The following ZDHHC17 variants were observed in gnomAD, a reference collection of about 807,000 sequenced individuals.
ZDHHC17 encodes the protein zDHHC palmitoyltransferase 17.
In ZDHHC17, 40 loss-of-function variants were observed where a neutral mutation model predicts 90.3. The ratio of observed to expected loss-of-function variants is 0.44; its 90% CI spans 0.34 to 0.58. The LOEUF (loss-of-function observed/expected upper bound fraction) is 0.58. Among genes scored for constraint, ZDHHC17 ranks in the 20% least tolerant of loss-of-function variants. ZDHHC17 has a pLI of 0.01. For missense variants in ZDHHC17, 614 were observed against 780.8 expected, an observed-to-expected ratio of 0.79 and a Z score of 2.55; for synonymous variants, 235 against 252.4, an observed-to-expected ratio of 0.93 and a Z score of 0.65.
At chr12:76,792,819 C>T (rs1952774899) in intron 1 of ZDHHC17, among the ~76,000 whole-genome samples, 1 of 152,096 alleles carries the variant, frequency 6.6e-6, no homozygotes, top group African/African-American at 2.4e-5. Flanking sequence ...AGCAGCTAAA[C>T]CTTTAATTGA....
intron 5 of ZDHHC17, among the ~76,000 whole-genome samples, chr12:76,814,672 T>C (rs2137768583): frequency 6.6e-6 from 1 of 152,054 alleles, no homozygotes; most frequent in East Asian, 1.9e-4. Context: ...TGTTGCTTTT[T>C]CCACACAAAC....
intron 1 of ZDHHC17, among the ~76,000 whole-genome samples, chr12:76,784,919 G>A (rs755960325): frequency 1.3e-5 from 2 of 152,168 alleles, no homozygotes; most frequent in African/African-American, 4.8e-5. Context: ...CATTTTGCTC[G>A]TTGACTTTCT....
At chr12:76,830,123 G>A (rs999396356) in intron 10 of ZDHHC17, among the ~76,000 whole-genome samples, 6 of 152,132 alleles carry the variant, frequency 3.9e-5, no homozygotes, top group African/African-American at 1.4e-4. Context: ...CTGATTTATT[G>A]TAATAAAGGA....
At chr12:76,796,159 C>G (rs1199791080) in intron 1 of ZDHHC17, among the ~76,000 whole-genome samples, 1 of 152,112 alleles carries the variant, frequency 6.6e-6, no homozygotes, top group Non-Finnish European at 1.5e-5. Context: ...AAAATACTCT[C>G]AACTTGGTAT....
At chr12:76,828,158 A>G (rs1274191808) in intron 9 of ZDHHC17, among the ~76,000 whole-genome samples, 1 of 152,136 alleles carries the variant, frequency 6.6e-6, no homozygotes, top group Non-Finnish European at 1.5e-5. Context: ...TGAAAAGTAT[A>G]TGGAATGTAA....
chr12:76,764,743 A>G, intron 1 of ZDHHC17: 1 of 465,518 alleles, frequency 2.1e-6, no homozygotes, highest in Non-Finnish European at 4.3e-6. Flanking sequence ...AGGGTGAATG[A>G]CGGTATCTAT....
intron 10 of ZDHHC17, chr12:76,840,118 C>T (rs936432824): frequency 1.3e-5 from 2 of 152,012 alleles, no homozygotes; most frequent in African/African-American, 4.8e-5. Flanking sequence ...TTAAATGGCA[C>T]ATAGTTGGTG....
At chr12:76,783,330 C>A (rs888178122) in intron 1 of ZDHHC17, among the ~76,000 whole-genome samples, 2 of 152,160 alleles carry the variant, frequency 1.3e-5, no homozygotes, top group Non-Finnish European at 2.9e-5. Context: ...CTGGGGAGGC[C>A]TCAGGAAACT....
chr12:76,822,922 G>A (rs1953183694), intron 8 of ZDHHC17, among the ~76,000 whole-genome samples: 1 of 152,004 alleles, frequency 6.6e-6, no homozygotes, highest in South Asian at 2.1e-4. Context: ...TACTTAGCAC[G>A]AGTATTTACA....
intron 10 of ZDHHC17, chr12:76,840,339 ATT>A (rs551753967): frequency 5.2e-5 from 7 of 134,480 alleles, no homozygotes; most frequent in Non-Finnish European, 8.1e-5. Context: ...ATTTCCATTA[ATT>A]TTTTTTTTTT....
chr12:76,778,274 T>G (rs982280540), intron 1 of ZDHHC17, among the ~76,000 whole-genome samples: 2 of 152,094 alleles, frequency 1.3e-5, no homozygotes, highest in African/African-American at 4.8e-5. Flanking sequence ...AGGGCACGAT[T>G]TCAGCTCACT....
chr12:76,838,368 G>A lies in ZDHHC17; in HGVS notation c.1142-3614G>A, dbSNP rs192240493. 1.4e-3 allele frequency among the ~76,000 whole-genome samples: 219 copies of A among 152,124 alleles called. 1 individual carries two copies. Among genetic ancestry groups the A allele is most frequent in the African/African-American group, 4.9e-3 (204 of 41,506 alleles). On this transcript the variant is annotated intron_variant, in intron 10 of 16. Coordinates refer to ENST00000426126, the MANE Select transcript of ZDHHC17 (RefSeq NM_015336.4). ...TTTCTTTTCATCTTTCATCTTGCTC[G>A]TGATTGACCTGGGCAAATATATTCA...
intron 2 of ZDHHC17, among the ~76,000 whole-genome samples, chr12:76,799,060 C>T (rs955682254): frequency 2.0e-5 from 3 of 152,056 alleles, no homozygotes; most frequent in African/African-American, 7.2e-5. Context: ...CCGCTTGTGC[C>T]TGAGAATTCG....
chr12:76,786,753 T>C (rs11115380), intron 1 of ZDHHC17, among the ~76,000 whole-genome samples: 1,681 of 150,844 alleles, frequency 0.011, 11 homozygotes, highest in Non-Finnish European at 0.017. Context: ...ACAGGAAAGG[T>C]GGAAGTATAA....
chr12:76,844,005 A>G (rs960630485), intron 12 of ZDHHC17: 1 of 152,114 alleles, frequency 6.6e-6, no homozygotes, highest in Non-Finnish European at 1.5e-5. Context: ...TTCTGAAAAC[A>G]GTTTTTGTTT....
At chr12:76,774,980 C>T (rs1241471722) in intron 1 of ZDHHC17, among the ~76,000 whole-genome samples, 1 of 152,144 alleles carries the variant, frequency 6.6e-6, no homozygotes, top group African/African-American at 2.4e-5. Context: ...TGCACACCAC[C>T]ATGCCTGATT....
In ZDHHC17 at chr12:76,809,980, A is replaced by G. The variant is rs1415960869; in HGVS notation, c.543+123A>G. On this transcript the variant is annotated intron_variant, in intron 5 of 16. Coordinates refer to ENST00000426126, the MANE Select transcript of ZDHHC17 (RefSeq NM_015336.4). ...TAGCACTTTCTGATGGGTGAAGAAC[A>G]TAAATATAGTGAGTTTGATATGGAG... 6 of 1,009,614 alleles carry G rather than the reference A, an allele frequency of 5.9e-6. No individual in the cohort carries two copies. In the East Asian group the frequency reaches 8.4e-5, roughly 14 times the overall value. The allele number at this position is 1,009,614 out of a possible 1,614,324, so 62.5% of individuals were successfully genotyped here. A position where few individuals can be genotyped will look rare whatever the true frequency, so the allele number is the denominator to read the frequency against.
intron 5 of ZDHHC17, chr12:76,813,276 T>A (rs763427814): frequency 9.5e-6 from 4 of 420,022 alleles, no homozygotes; most frequent in South Asian, 6.9e-5. Context: ...AGGAAGTTTG[T>A]TGTTTCTTCA....
At position 76,851,435 on chromosome 12, in the gene ZDHHC17, G is replaced by C. The variant is rs1047830312; in HGVS notation, c.*450G>C. On this transcript the variant is annotated 3_prime_UTR_variant, in exon 17 of 17. Transcript: ENST00000426126. ...CCAGGAGCATTGTTTTAAGTTGATT[G>C]ACTAGTTATTATGTACATTTCAGAA... 1 of 168,194 alleles carries C rather than the reference G, an allele frequency of 5.9e-6. No individual in the cohort carries two copies. The highest frequency in any genetic ancestry group is 6.4e-5 in the Admixed American group (1 of 15,532). 10.4% of individuals were successfully genotyped at this position (168,194 alleles called of 1,614,324 possible). A position where few individuals can be genotyped will look rare whatever the true frequency, so the allele number is the denominator to read the frequency against.
Sources: allele counts gnomAD v4.1 joint callset (sites outside exome capture counted in the v4.1 genomes callset), GRCh38; gene constraint gnomAD v4.1.1; transcripts MANE v1.5; gene names NCBI Gene and HGNC (gene_info 2026-07-23, HGNC 2026-07-21).